MYO7B: variants seen among roughly 807,000 people sequenced by gnomAD.
The protein encoded by MYO7B is unconventional myosin-VIIb.
Under a neutral mutation model 259.7 loss-of-function variants are expected in MYO7B, and 212 were observed. That is an observed-to-expected ratio of 0.82 (90% CI 0.73 to 0.91). MYO7B has a LOEUF of 0.91. MYO7B is among the 40% of genes least tolerant of loss of function. The probability of loss-of-function intolerance (pLI) is 0.00; values close to 1 mark genes in which losing one functional copy is unlikely to be tolerated. For missense variants in MYO7B, 2,732 were observed against 2,813.5 expected, an observed-to-expected ratio of 0.97 and a Z score of 0.66; for synonymous variants, 1,197 against 1,166.4, an observed-to-expected ratio of 1.03 and a Z score of -0.54.
Position 127,578,162 on chromosome 2 carries a change from C to T in MYO7B, c.879C>T (p.Asn293=), listed in dbSNP as rs369461546. Residue 293 remains asparagine, a synonymous_variant, in exon 9 of 48, where the codon AAC becomes AAT. Transcript: ENST00000409816. ...ACTGCACTTCCTGTGAGGGGCTCAA[C>T]GACGCCAAGGACTACGCCCACATCC... ...MGNCTSCEGL[N]DAKDYAHIRS... is the part of the protein sequence containing the mutation. 2.0e-5 allele frequency: 32 copies of T among 1,613,830 alleles called. No individual in the cohort carries two copies. Among genetic ancestry groups the T allele is most frequent in the Middle Eastern group, 1.6e-4 (1 of 6,062 alleles).
At chr2:127,617,495 T>TTTTTTTG (rs1680618983) in intron 26 of MYO7B, among the ~76,000 whole-genome samples, 2 of 127,434 alleles carry the variant, frequency 1.6e-5, no homozygotes, top group African/African-American at 6.2e-5. Flanking sequence ...GGGTTTTTTT[T>TTTTTTTG]TTTTTTTTTT....
chr2:127,593,058 G>C (rs55936272), intron 17 of MYO7B, 112 bp downstream of exon 17: 1 of 1,344,710 alleles, frequency 7.4e-7, no homozygotes. Context: ...CCCGGCCCCA[G>C]CCTTGCGATG....
At chr2:127,549,149 T>G (rs1693349817) in intron 1 of MYO7B, among the ~76,000 whole-genome samples, 1 of 129,886 alleles carries the variant, frequency 7.7e-6, no homozygotes, top group Non-Finnish European at 1.6e-5. Flanking sequence ...TTCTTCTTTC[T>G]TCCTTCCTTC....
Position 127,584,301 on chromosome 2 carries a change from C to G in MYO7B, c.1523C>G (p.Ser508Cys). Residue 508 changes from serine (S) to cysteine (C), a missense_variant, in exon 13 of 48, where the codon TCC becomes TGC. Coordinates refer to ENST00000409816, the MANE Select transcript of MYO7B (RefSeq NM_001393586.1). This position sits in a 1 kb window ranked among gnomAD's most constrained non-coding sequence, Gnocchi z 5.8. Reference sequence around the variant, plus strand: ...GCCCTCAAGCCCATGAGCATCATCTCCCTCCTGGACGAAGAAAGCCGCTTC... The same window carrying G: ...GCCCTCAAGCCCATGAGCATCATCTGCCTCCTGGACGAAGAAAGCCGCTTC... The part of the protein sequence containing the change: ...LLALKPMSII[S>C]LLDEESRFPQ... 1 of 1,613,992 alleles carries G rather than the reference C, an allele frequency of 6.2e-7. No individual in the cohort carries two copies. Among genetic ancestry groups the G allele is most frequent in the Non-Finnish European group, 8.5e-7 (1 of 1,179,892 alleles).
chr2:127,543,143 GA>G (rs1693075714), intron 1 of MYO7B, among the ~76,000 whole-genome samples: 1 of 152,148 alleles, frequency 6.6e-6, no homozygotes, highest in Non-Finnish European at 1.5e-5. Flanking sequence ...CGGGCTGGGG[GA>G]TGATCAGGTC....
Position 127,624,252 on chromosome 2 carries a change from G to T in MYO7B, c.3979G>T (p.Val1327Phe), listed in dbSNP as rs1195834389. The T allele has an allele frequency of 8.8e-6, 14 of 1,596,226 alleles. No individual in the cohort carries two copies. The highest frequency in any genetic ancestry group is 1.1e-5 in the Non-Finnish European group (13 of 1,172,160). Residue 1327 changes from valine to phenylalanine, a missense_variant, in exon 30 of 48, where the codon GTC becomes TTC. Coordinates refer to ENST00000409816, the MANE Select transcript of MYO7B (RefSeq NM_001393586.1). ...CTGGCACGACTCCCGGGAGGACCCTGTCAGCACCGAGCTTATTTACCGCCA... is the reference window on the plus strand; with the variant it reads ...CTGGCACGACTCCCGGGAGGACCCTTTCAGCACCGAGCTTATTTACCGCCA... ...TPWHDSREDPVSTELIYRQVL... is the reference protein window; with the variant it reads ...TPWHDSREDPFSTELIYRQVL...
intron 6 of MYO7B, among the ~76,000 whole-genome samples, chr2:127,572,985 A>C (rs541279867): frequency 1.8e-4 from 28 of 152,162 alleles, no homozygotes; most frequent in Admixed American, 1.7e-3. Flanking sequence ...GAGACACCCA[A>C]CCAGTCGCCC....
chr2:127,637,269 C>A, intron 47 of MYO7B, 47 bp from the exon 48 acceptor site: 6 of 1,430,160 alleles, frequency 4.2e-6, no homozygotes, highest in Non-Finnish European at 5.8e-6. Context: ...AGGACCCCCA[C>A]CTGCCCTCTG....
rs758604962 is a variant in MYO7B at position 127,609,782 on chromosome 2, G to A, written c.3024+67G>A. Reference sequence around the variant, plus strand: ...GAGCCTGGGGTGTGAGCTATGGCTCGGGGAAAGAAGGAAGGGGCCATAGTC... The same window carrying A: ...GAGCCTGGGGTGTGAGCTATGGCTCAGGGAAAGAAGGAAGGGGCCATAGTC... On this transcript the variant is annotated intron_variant, in intron 23 of 47. Coordinates refer to ENST00000409816, the MANE Select transcript of MYO7B (RefSeq NM_001393586.1). This position sits in a 1 kb window ranked among gnomAD's most constrained non-coding sequence, Gnocchi z 6.9. 33 of 1,610,916 alleles carry A rather than the reference G, an allele frequency of 2.0e-5. No individual in the cohort carries two copies. In the East Asian group the frequency reaches 2.5e-4, roughly 12 times the overall value.
intron 17 of MYO7B, 110 bp downstream of exon 17, chr2:127,593,056 C>T: frequency 1.4e-6 from 2 of 1,383,354 alleles, no homozygotes; most frequent in South Asian, 1.4e-5. Flanking sequence ...TCCCCGGCCC[C>T]AGCCTTGCGA....
At chr2:127,553,013 C>T (rs889198575) in intron 1 of MYO7B, among the ~76,000 whole-genome samples, 1 of 152,200 alleles carries the variant, frequency 6.6e-6, no homozygotes, top group African/African-American at 2.4e-5. Flanking sequence ...GTTTTCTCAC[C>T]TGTAAAACAG....
Position 127,620,884 on chromosome 2 carries a change from C to G in MYO7B, c.3525+418C>G, listed in dbSNP as rs142675379. Among the ~76,000 whole-genome samples the G allele has an allele frequency of 6.0e-3, 920 of 152,332 alleles. 9 individuals carry two copies. Among genetic ancestry groups the G allele is most frequent in the African/African-American group, 0.021 (877 of 41,572 alleles). ...CGAGTGTTAGTGGCCCCAAGCTTCA[C>G]TGATTTAATATGCCTTTAAATTCTG... On this transcript the variant is annotated intron_variant, in intron 27 of 47. Coordinates refer to ENST00000409816, the MANE Select transcript of MYO7B (RefSeq NM_001393586.1).
At chr2:127,622,145 AGACCCCCAGG>A in intron 28 of MYO7B, 44 bp downstream of exon 28, 1 of 1,527,446 alleles carries the variant, frequency 6.5e-7, no homozygotes, top group Non-Finnish European at 8.8e-7. Flanking sequence ...GGGGTGGTGC[AGACCCCCAGG>A]GACCCCCAGC....
In MYO7B at chr2:127,592,938, C is replaced by A; in HGVS notation, c.2137C>A (p.Arg713=). 6.3e-7 allele frequency: 1 copy of A among 1,591,304 alleles called. No homozygotes were observed. The highest frequency in any genetic ancestry group is 1.1e-5 in the South Asian group (1 of 87,362). ...CGGCGTGTTGCTGCCCAACGCCATG[C>A]GGATGCAGGTCAGCGCCCCTCGGGG... The part of the protein sequence containing the change: ...RFGVLLPNAM[R]MQLQGKLRQM... The change falls in exon 17 of 48, where the codon CGG becomes AGG. Residue 713 remains arginine, a synonymous_variant. Transcript: ENST00000409816.
chr2:127,567,697 T>C (rs1233128912), intron 5 of MYO7B, among the ~76,000 whole-genome samples: 2 of 152,132 alleles, frequency 1.3e-5, no homozygotes, highest in East Asian at 1.9e-4. Context: ...ATTCAATCAT[T>C]TGAGGTTTTG....
chr2:127,634,882 A>C, intron 42 of MYO7B, 199 bp downstream of exon 42: 1 of 649,814 alleles, frequency 1.5e-6, no homozygotes, highest in Non-Finnish European at 2.7e-6. Flanking sequence ...TGGAGTGATG[A>C]AGGATGCCCC....
chr2:127,590,870 A>T lies in MYO7B; in HGVS notation c.1992+641A>T, dbSNP rs1679531059. Reference sequence around the variant, plus strand: ...GGAATAAAAATATTACATGAAATTAAATGCTTTTTGGAAAGAATAAAACTA... The same window carrying T: ...GGAATAAAAATATTACATGAAATTATATGCTTTTTGGAAAGAATAAAACTA... On this transcript the variant is annotated intron_variant, in intron 16 of 47. Transcript: ENST00000409816. This position sits in a 1 kb window ranked among gnomAD's most constrained non-coding sequence, Gnocchi z 4.6. Among the ~76,000 whole-genome samples the T allele has an allele frequency of 6.6e-6, 1 of 152,226 alleles. No homozygotes were observed. Among genetic ancestry groups the T allele is most frequent in the Non-Finnish European group, 1.5e-5 (1 of 68,046 alleles).
chr2:127,570,866 T>G (rs76314780), intron 6 of MYO7B, among the ~76,000 whole-genome samples: 2,337 of 152,162 alleles, frequency 0.015, 58 homozygotes, highest in African/African-American at 0.052. Context: ...TTTGTAGCCT[T>G]TTGTGTCTAG....
At chr2:127,561,260 GA>G (rs1320314609) in intron 2 of MYO7B, among the ~76,000 whole-genome samples, 2 of 151,886 alleles carry the variant, frequency 1.3e-5, no homozygotes, top group Non-Finnish European at 2.9e-5. Context: ...AAGTCTTTGA[GA>G]GGAGAGTAAT....
Sources: allele counts gnomAD v4.1 joint callset (sites outside exome capture counted in the v4.1 genomes callset), GRCh38; gene constraint gnomAD v4.1.1; non-coding constraint Gnocchi (gnomAD v3.1); transcripts MANE v1.5; gene names NCBI Gene and HGNC (gene_info 2026-07-23, HGNC 2026-07-21).